Variants in DOCK4 observed in about 807,000 individuals in gnomAD.
The protein encoded by DOCK4 is dedicator of cytokinesis protein 4.
A neutral mutation model predicts 268.1 loss-of-function variants in DOCK4; 97 were observed. The observed-to-expected ratio is 0.36, with a 90% CI of 0.31 to 0.43. The LOEUF (loss-of-function observed/expected upper bound fraction) is 0.43. Ranked by LOEUF, DOCK4 falls within the 20% of genes least tolerant of loss-of-function variation. The pLI, the probability that DOCK4 is intolerant of heterozygous loss-of-function variation, is 1.00. For synonymous variants in DOCK4, 954 were observed against 887.2 expected, an observed-to-expected ratio of 1.08 and a Z score of -1.34; for missense variants, 2,145 against 2,455.7, an observed-to-expected ratio of 0.87 and a Z score of 2.67.
intron 6 of DOCK4, among the ~76,000 whole-genome samples, chr7:111,985,021 T>G (rs1319611280): frequency 6.6e-6 from 1 of 152,176 alleles, no homozygotes; most frequent in African/African-American, 2.4e-5. Flanking sequence ...GGCTGACATG[T>G]GGCTTGCTGT....
intron 30 of DOCK4, among the ~76,000 whole-genome samples, chr7:111,801,299 T>C (rs1201142202): frequency 3.9e-5 from 6 of 152,222 alleles, no homozygotes; most frequent in Non-Finnish European, 8.8e-5. Flanking sequence ...CTGATATAAC[T>C]GATCATTTTT....
At chr7:111,749,385 G>A (rs1471007053) in intron 42 of DOCK4, among the ~76,000 whole-genome samples, 1 of 152,104 alleles carries the variant, frequency 6.6e-6, no homozygotes, top group Admixed American at 6.6e-5. Context: ...AGTGAATATC[G>A]AGTTTGAGTT....
intron 8 of DOCK4, among the ~76,000 whole-genome samples, chr7:111,968,651 G>A (rs906175628): frequency 0.018 from 2,198 of 120,762 alleles, 567 homozygotes; most frequent in African/African-American, 0.089. Flanking sequence ...AGTCAGTGTG[G>A]CGATTCCTCA....
intron 1 of DOCK4, among the ~76,000 whole-genome samples, chr7:112,189,746 G>GT (rs57399750): frequency 0.56 from 53,987 of 95,940 alleles, 16,227 homozygotes; most frequent in East Asian, 0.77. Context: ...TCTGGGTTTT[G>GT]TTTTTTTTTT....
At chr7:112,184,690 T>C (rs923963357) in intron 1 of DOCK4, among the ~76,000 whole-genome samples, 1 of 152,100 alleles carries the variant, frequency 6.6e-6, no homozygotes, top group African/African-American at 2.4e-5. Context: ...CCTTGGACAC[T>C]GGTTCCCAGA....
At position 112,000,657 on chromosome 7, in the gene DOCK4, T is replaced by C. The variant is rs530617802; in HGVS notation, c.122-123A>G. 56 of 646,184 alleles carry C rather than the reference T, an allele frequency of 8.7e-5. No individual in the cohort carries two copies. The South Asian group carries it at 1.7e-3, about 19-fold the overall frequency. 40.0% of individuals were successfully genotyped at this position (646,184 alleles called of 1,614,324 possible). On this transcript the variant is annotated intron_variant, in intron 2 of 52. Transcript: ENST00000428084. ...TACATGAAAAGATTCTATGGATAAA[T>C]ATGGTAGGTATTGGCCTTAGGCTAC...
intron 7 of DOCK4, among the ~76,000 whole-genome samples, chr7:111,983,855 C>CGT (rs1169477765): frequency 1.9e-5 from 2 of 104,716 alleles, no homozygotes; most frequent in South Asian, 3.6e-4. Flanking sequence ...CGCGCGCGCG[C>CGT]GCGCGCGCAC....
chr7:111,885,394 C>T (rs1807753569), intron 16 of DOCK4, among the ~76,000 whole-genome samples: 1 of 152,076 alleles, frequency 6.6e-6, no homozygotes, highest in African/African-American at 2.4e-5. Flanking sequence ...TTTTTTCTAC[C>T]AAACCCAGTG....
At chr7:111,998,197 G>A (rs541506183) in intron 4 of DOCK4, among the ~76,000 whole-genome samples, 1 of 152,238 alleles carries the variant, frequency 6.6e-6, no homozygotes, top group South Asian at 2.1e-4. Context: ...CTCAAGCATA[G>A]GCTGATTCCC....
rs1047193984 is a variant in DOCK4 at position 112,178,207 on chromosome 7, T to C, written c.37+27895A>G. On this transcript the variant is annotated intron_variant, in intron 1 of 52. Transcript: ENST00000428084. ...AGCAGTGCATGCACTAAGAGAGTTGTCGTGTTCTTGCTTCAAGATTTAAGG... is the reference window on the plus strand; with the variant it reads ...AGCAGTGCATGCACTAAGAGAGTTGCCGTGTTCTTGCTTCAAGATTTAAGG... 5.3e-5 allele frequency among the ~76,000 whole-genome samples: 8 copies of C among 152,360 alleles called. No homozygotes were observed. In the East Asian group the frequency reaches 1.3e-3, roughly 26 times the overall value.
At chr7:112,162,857 A>G (rs1180519785) in intron 1 of DOCK4, among the ~76,000 whole-genome samples, 1 of 152,140 alleles carries the variant, frequency 6.6e-6, no homozygotes, top group Non-Finnish European at 1.5e-5. Context: ...CTTAAACCCT[A>G]ACATATAATG....
chr7:112,202,777 A>T (rs76544499), intron 1 of DOCK4, among the ~76,000 whole-genome samples: 1 of 151,840 alleles, frequency 6.6e-6, no homozygotes, highest in African/African-American at 2.4e-5. Flanking sequence ...AAAAAAAAAA[A>T]TGAAAACTTA....
chr7:111,983,860 G>A (rs145279650), intron 7 of DOCK4, among the ~76,000 whole-genome samples: 20,581 of 128,716 alleles, frequency 0.16, 2,365 homozygotes, highest in African/African-American at 0.37. Context: ...GCGCGCGCGC[G>A]CGCACACACA....
At chr7:111,944,090 G>C (rs1197741203) in intron 10 of DOCK4, among the ~76,000 whole-genome samples, 1 of 152,138 alleles carries the variant, frequency 6.6e-6, no homozygotes, top group African/African-American at 2.4e-5. Flanking sequence ...GCCATAAAAT[G>C]CCTGTTTTTA....
At position 111,983,862 on chromosome 7, in the gene DOCK4, G is replaced by GCGCGCGCACACACACACACACA; in HGVS notation, c.549+443_549+444insTGTGTGTGTGTGTGTGCGCGCG. Among the ~76,000 whole-genome samples, 85 of 138,630 alleles carry GCGCGCGCACACACACACACACA rather than the reference G, an allele frequency of 6.1e-4. 1 individual carries two copies. Among genetic ancestry groups the GCGCGCGCACACACACACACACA allele is most frequent in the African/African-American group, 2.3e-3 (80 of 35,498 alleles). The allele number at this position is 138,630 out of a possible 152,430, so 90.9% of individuals were successfully genotyped here. A position where few individuals can be genotyped will look rare whatever the true frequency, so the allele number is the denominator to read the frequency against. ...CACACACACGCGCGCGCGCGCGCGC[G>GCGCGCGCACACACACACACACA]CACACACACACACACACACACACAC... On this transcript the variant is annotated intron_variant, in intron 7 of 52. Transcript: ENST00000428084.
intron 8 of DOCK4, among the ~76,000 whole-genome samples, chr7:111,960,172 T>C (rs1307481009): frequency 1.3e-5 from 2 of 151,946 alleles, no homozygotes; most frequent in Non-Finnish European, 2.9e-5. Context: ...GAGACAATCC[T>C]GGCTAACACA....
intron 1 of DOCK4, among the ~76,000 whole-genome samples, chr7:112,113,270 C>A (rs1811830632): frequency 6.6e-6 from 1 of 152,110 alleles, no homozygotes; most frequent in Non-Finnish European, 1.5e-5. Context: ...TGTGTAGGAA[C>A]AACAGAAGAA....
At chr7:111,957,825 T>G (rs893891833) in intron 8 of DOCK4, among the ~76,000 whole-genome samples, 1 of 152,158 alleles carries the variant, frequency 6.6e-6, no homozygotes, top group African/African-American at 2.4e-5. Context: ...AAAGCTCAAC[T>G]GAAATAAAAA....
chr7:111,791,276 TACACACACAC>T (rs147004808), intron 30 of DOCK4, among the ~76,000 whole-genome samples: 55 of 134,830 alleles, frequency 4.1e-4, no homozygotes, highest in Non-Finnish European at 7.4e-4. Flanking sequence ...ATTTAAAAAA[TACACACACAC>T]ACACACACAC....
Sources: gnomAD v4.1 joint callset for allele counts (sites outside exome capture counted in the v4.1 genomes callset) on GRCh38, gnomAD v4.1.1 for gene constraint, MANE v1.5 for transcripts, NCBI Gene and HGNC (gene_info 2026-07-23, HGNC 2026-07-21) for gene names.